Variants in LGR5 observed in about 807,000 individuals in gnomAD.
LGR5 encodes the protein leucine-rich repeat-containing G protein-coupled receptor 5.
LGR5 carries 54 observed loss-of-function variants against 76.7 expected under a neutral mutation model. That is an observed-to-expected ratio of 0.70 (90% CI 0.57 to 0.88). The LOEUF (loss-of-function observed/expected upper bound fraction) is 0.88. LGR5 is among the 40% of genes least tolerant of loss of function. The pLI is 0.00. For missense variants in LGR5, 1,078 were observed against 1,073.3 expected (o/e 1.00, Z -0.06); for synonymous variants, 406 against 421.9 (o/e 0.96, Z 0.46).
intron 1 of LGR5, among the ~76,000 whole-genome samples, chr12:71,475,633 C>T (rs1171902897): frequency 6.6e-6 from 1 of 152,172 alleles, no homozygotes; most frequent in Non-Finnish European, 1.5e-5. Context: ...AATGCTTTTC[C>T]TTCTCTCACT....
chr12:71,502,824 T>C (rs1045525065), intron 1 of LGR5, among the ~76,000 whole-genome samples: 3 of 152,182 alleles, frequency 2.0e-5, no homozygotes, highest in Non-Finnish European at 4.4e-5. Flanking sequence ...ATATTAAAAA[T>C]AATGTGGAGT....
At chr12:71,483,861 T>C (rs1275266055) in intron 1 of LGR5, among the ~76,000 whole-genome samples, 1 of 152,130 alleles carries the variant, frequency 6.6e-6, no homozygotes, top group African/African-American at 2.4e-5. Flanking sequence ...ATATAATCAA[T>C]AGGACTGATG....
chr12:71,476,475 G>T (rs1042070260), intron 1 of LGR5, among the ~76,000 whole-genome samples: 3 of 152,098 alleles, frequency 2.0e-5, no homozygotes, highest in African/African-American at 7.2e-5. Context: ...GAGAAGTCTG[G>T]GTCAAGGGCA....
intron 1 of LGR5, among the ~76,000 whole-genome samples, chr12:71,502,193 CTTTTTTTTTTTTT>C (rs776486573): frequency 8.1e-6 from 1 of 123,168 alleles, no homozygotes; most frequent in African/African-American, 3.0e-5. Context: ...AGGTACTTTC[CTTTTTTTTTTTTT>C]TTTTTTTTGA....
At chr12:71,487,396 G>A (rs943179645) in intron 1 of LGR5, among the ~76,000 whole-genome samples, 2 of 152,090 alleles carry the variant, frequency 1.3e-5, no homozygotes. Flanking sequence ...TCACTGAACA[G>A]TACTTTTAGT....
At position 71,585,606 on chromosome 12, in the gene LGR5, A is replaced by C. The variant is rs938943022; in HGVS notation, c.*872A>C. 3 of 152,226 alleles carry C rather than the reference A, an allele frequency of 2.0e-5. No homozygotes were observed. Among genetic ancestry groups the C allele is most frequent in the Non-Finnish European group, 4.4e-5 (3 of 68,028 alleles). The allele number at this position is 152,226 out of a possible 1,614,324, so 9.4% of individuals were successfully genotyped here. On this transcript the variant is annotated 3_prime_UTR_variant, in exon 18 of 18. Transcript: ENST00000266674. ...TCTGGGTTAGTAAAGAATTTTTGCAATAAGTTTTATCAGTTGATTCAAACT... is the reference window on the plus strand; with the variant it reads ...TCTGGGTTAGTAAAGAATTTTTGCACTAAGTTTTATCAGTTGATTCAAACT...
intron 2 of LGR5, among the ~76,000 whole-genome samples, chr12:71,521,863 C>T (rs1473423915): frequency 1.3e-5 from 2 of 152,178 alleles, no homozygotes; most frequent in Non-Finnish European, 2.9e-5. Context: ...CAAGTACACA[C>T]TATAACACAA....
intron 1 of LGR5, among the ~76,000 whole-genome samples, chr12:71,473,209 C>T (rs986334155): frequency 6.6e-6 from 1 of 152,104 alleles, no homozygotes; most frequent in African/African-American, 2.4e-5. Context: ...ATGGATCTGG[C>T]ACACAGAAGA....
chr12:71,488,333 G>C (rs189776873), intron 1 of LGR5, among the ~76,000 whole-genome samples: 29 of 152,302 alleles, frequency 1.9e-4, no homozygotes, highest in African/African-American at 6.3e-4. Context: ...GTCACCTATA[G>C]GTTGACAAGC....
intron 1 of LGR5, among the ~76,000 whole-genome samples, chr12:71,458,758 G>A (rs1416692412): frequency 2.6e-5 from 4 of 152,098 alleles, no homozygotes; most frequent in African/African-American, 9.7e-5. Context: ...CCCACCTTGT[G>A]CTAGATGCTG....
At chr12:71,569,010 G>A (rs756837519) in intron 11 of LGR5, among the ~76,000 whole-genome samples, 5 of 152,190 alleles carry the variant, frequency 3.3e-5, no homozygotes, top group Non-Finnish European at 7.3e-5. Context: ...GATAATTCAA[G>A]TAAAGCTATA....
intron 1 of LGR5, among the ~76,000 whole-genome samples, chr12:71,457,929 T>G (rs1872549956): frequency 6.6e-6 from 1 of 152,146 alleles, no homozygotes; most frequent in African/African-American, 2.4e-5. Context: ...TTGAAAAAGT[T>G]AGTCAGGAAC....
At chr12:71,464,427 G>C (rs1048205557) in intron 1 of LGR5, among the ~76,000 whole-genome samples, 3 of 152,150 alleles carry the variant, frequency 2.0e-5, no homozygotes, top group Admixed American at 6.5e-5. Flanking sequence ...ATCTGGTTAG[G>C]GGTATCTGAC....
chr12:71,535,075 A>ATT, intron 3 of LGR5, 40 bp from the exon 4 acceptor site: 1 of 1,449,276 alleles, frequency 6.9e-7, no homozygotes, highest in Admixed American at 1.7e-5. Flanking sequence ...GTTATTGTTC[A>ATT]TTTTTTTTAA....
At chr12:71,494,715 T>G (rs112178520) in intron 1 of LGR5, among the ~76,000 whole-genome samples, 1,891 of 151,186 alleles carry the variant, frequency 0.013, 63 homozygotes, top group Middle Eastern at 0.037. Context: ...CCTGTCTTTT[T>G]AAAATTCTAT....
rs12425400 is a variant in LGR5 at position 71,566,001 on chromosome 12, T to C, written c.858-403T>C. On this transcript the variant is annotated intron_variant, in intron 8 of 17. Transcript: ENST00000266674. ...GACCAGCAGATATAATAACCTTCAGTTGATATCGATAGATAGACTTCGTCT... is the reference window on the plus strand; with the variant it reads ...GACCAGCAGATATAATAACCTTCAGCTGATATCGATAGATAGACTTCGTCT... Among the ~76,000 whole-genome samples, 1,025 of 152,308 alleles carry C rather than the reference T, an allele frequency of 6.7e-3. 37 individuals carry two copies. Among genetic ancestry groups the C allele is most frequent in the Admixed American group, 0.046 (698 of 15,280 alleles).
At chr12:71,492,175 A>G (rs898362850) in intron 1 of LGR5, among the ~76,000 whole-genome samples, 3 of 152,154 alleles carry the variant, frequency 2.0e-5, no homozygotes, top group African/African-American at 7.2e-5. Context: ...GGGTTGGTAT[A>G]AGTTTGGCTT....
At chr12:71,504,709 G>T (rs1296432087) in intron 2 of LGR5, 24 bp downstream of exon 2, 2 of 1,551,624 alleles carry the variant, frequency 1.3e-6, no homozygotes, top group Non-Finnish European at 1.8e-6. Flanking sequence ...TAGTCTTGAT[G>T]CATCCAGTCA....
intron 2 of LGR5, among the ~76,000 whole-genome samples, chr12:71,516,555 G>C (rs1315780241): frequency 6.6e-6 from 1 of 151,892 alleles, no homozygotes; most frequent in Non-Finnish European, 1.5e-5. Context: ...CCTATGTTTA[G>C]AGAGGAAAAA....
Sources: gnomAD v4.1 joint callset for allele counts (sites outside exome capture counted in the v4.1 genomes callset) on GRCh38, gnomAD v4.1.1 for gene constraint, MANE v1.5 for transcripts, NCBI Gene and HGNC (gene_info 2026-07-23, HGNC 2026-07-21) for gene names.